Variants in DLG2 observed in about 807,000 individuals in gnomAD.
DLG2 encodes the protein discs large MAGUK scaffold protein 2, also known as disks large homolog 2.
Under a neutral mutation model 132.5 loss-of-function variants are expected in DLG2, and 45 were observed. That is an observed-to-expected ratio of 0.34 (90% CI 0.27 to 0.44). DLG2 has a LOEUF of 0.44. DLG2 is among the 20% of genes least tolerant of loss of function. The probability of loss-of-function intolerance (pLI) is 1.00; values close to 1 mark genes in which losing one functional copy is unlikely to be tolerated. For synonymous variants in DLG2, 424 were observed against 419.6 expected (o/e 1.01, Z -0.13); for missense variants, 1,045 against 1,196.9 (o/e 0.87, Z 1.87).
intron 3 of DLG2, among the ~76,000 whole-genome samples, chr11:85,422,941 T>A (rs2090433422): frequency 6.9e-6 from 1 of 145,802 alleles, no homozygotes; most frequent in Admixed American, 7.0e-5. Context: ...CTTTTTCAGG[T>A]AAATCAGGGA....
intron 6 of DLG2, among the ~76,000 whole-genome samples, chr11:85,006,382 T>G (rs2058664180): frequency 6.6e-6 from 1 of 152,240 alleles, no homozygotes; most frequent in Non-Finnish European, 1.5e-5. Flanking sequence ...TGGCAGGCTA[T>G]TAATTACTGC....
intron 7 of DLG2, among the ~76,000 whole-genome samples, chr11:84,315,721 A>G (rs777859386): frequency 3.9e-5 from 6 of 152,170 alleles, no homozygotes; most frequent in Non-Finnish European, 8.8e-5. Context: ...AAAGCTTATA[A>G]TTCCATGCAA....
chr11:84,915,314 T>TA (rs2092388055), intron 6 of DLG2, among the ~76,000 whole-genome samples: 1 of 152,062 alleles, frequency 6.6e-6, no homozygotes, highest in Non-Finnish European at 1.5e-5. Flanking sequence ...ACCAACATTA[T>TA]AAAAAAGAAA....
At chr11:84,673,218 C>T (rs2099707809) in intron 6 of DLG2, among the ~76,000 whole-genome samples, 1 of 152,020 alleles carries the variant, frequency 6.6e-6, no homozygotes, top group Non-Finnish European at 1.5e-5. Flanking sequence ...GAAGAAGGAG[C>T]CTGACAATCA....
chr11:85,502,980 AT>A (rs1168566237), intron 3 of DLG2, among the ~76,000 whole-genome samples: 1 of 152,142 alleles, frequency 6.6e-6, no homozygotes, highest in African/African-American at 2.4e-5. Flanking sequence ...ATAGAATGAT[AT>A]ATACCAATAA....
chr11:85,511,465 T>A lies in DLG2; in HGVS notation c.40+87192A>T, dbSNP rs539471645. Among the ~76,000 whole-genome samples the A allele has an allele frequency of 2.6e-5, 4 of 152,026 alleles. No individual in the cohort carries two copies. In the South Asian group the frequency reaches 6.2e-4, roughly 24 times the overall value. On this transcript the variant is annotated intron_variant, in intron 3 of 27. Coordinates refer to ENST00000376104, the MANE Select transcript of DLG2 (RefSeq NM_001142699.3). The stretch of plus-strand genomic sequence containing the variant: ...TATTAATTTCAAGAATTCAATGGCA[T>A]CTCTCTTAGAACAGAGATTATAACA...
intron 3 of DLG2, among the ~76,000 whole-genome samples, chr11:85,367,083 A>G (rs1474788188): frequency 6.6e-6 from 1 of 152,194 alleles, no homozygotes; most frequent in Non-Finnish European, 1.5e-5. Context: ...TAGCGTTAAC[A>G]ATTCCATGAA....
intron 6 of DLG2, among the ~76,000 whole-genome samples, chr11:84,563,412 A>G (rs2099435656): frequency 6.6e-6 from 1 of 152,134 alleles, no homozygotes; most frequent in African/African-American, 2.4e-5. Flanking sequence ...CCTCCTTCTA[A>G]CATAATTAGT....
chr11:84,824,789 G>A (rs763088021), intron 6 of DLG2, among the ~76,000 whole-genome samples: 8 of 151,778 alleles, frequency 5.3e-5, no homozygotes, highest in Non-Finnish European at 1.2e-4. Flanking sequence ...CTTAAGTGTC[G>A]CAACACTCAG....
At chr11:83,673,035 C>T (rs2077093736) in intron 18 of DLG2, among the ~76,000 whole-genome samples, 1 of 152,132 alleles carries the variant, frequency 6.6e-6, no homozygotes, top group African/African-American at 2.4e-5. Context: ...GCACTCACTC[C>T]AACCTGGACG....
At chr11:83,642,745 AT>A (rs2066943675) in intron 18 of DLG2, among the ~76,000 whole-genome samples, 1 of 152,120 alleles carries the variant, frequency 6.6e-6, no homozygotes, top group South Asian at 2.1e-4. Flanking sequence ...ATGTATTATT[AT>A]TTTTTAAGGC....
At position 84,022,776 on chromosome 11, in the gene DLG2, A is replaced by G. The variant is rs558505383; in HGVS notation, c.919+36539T>C. On this transcript the variant is annotated intron_variant, in intron 11 of 27. Coordinates refer to ENST00000376104, the MANE Select transcript of DLG2 (RefSeq NM_001142699.3). The stretch of plus-strand genomic sequence containing the variant: ...GGTGGTGGGAAGTAGACTGCAAAAC[A>G]TGCTTTTAAAAAATACATCTAGGGG... Among the ~76,000 whole-genome samples the G allele has an allele frequency of 3.9e-5, 6 of 152,184 alleles. No individual in the cohort carries two copies. In the South Asian group the frequency reaches 1.2e-3, roughly 32 times the overall value.
intron 21 of DLG2, among the ~76,000 whole-genome samples, chr11:83,498,170 G>A (rs2094250400): frequency 6.6e-6 from 1 of 151,972 alleles, no homozygotes; most frequent in African/African-American, 2.4e-5. Flanking sequence ...TTTGGAATTT[G>A]GCTGTATGAC....
chr11:85,526,783 C>A (rs2074787332), intron 3 of DLG2, among the ~76,000 whole-genome samples: 1 of 152,082 alleles, frequency 6.6e-6, no homozygotes, highest in Admixed American at 6.6e-5. Context: ...ATGACAATAG[C>A]CTTTTTGTTA....
intron 9 of DLG2, among the ~76,000 whole-genome samples, chr11:84,136,189 G>A (rs1327157891): frequency 6.6e-6 from 1 of 152,048 alleles, no homozygotes; most frequent in East Asian, 1.9e-4. Flanking sequence ...AACTTACTAA[G>A]CCTTAGTTTC....
chr11:84,685,039 A>G (rs2099736898), intron 6 of DLG2, among the ~76,000 whole-genome samples: 1 of 152,196 alleles, frequency 6.6e-6, no homozygotes, highest in South Asian at 2.1e-4. Context: ...GCATTCTCAC[A>G]ACAACCTCTT....
chr11:84,211,132 C>T (rs1238839434), intron 8 of DLG2, among the ~76,000 whole-genome samples: 3 of 152,202 alleles, frequency 2.0e-5, no homozygotes, highest in Non-Finnish European at 2.9e-5. Flanking sequence ...TTAGTTCTCA[C>T]TGGAGCATAA....
chr11:83,767,986 C>T (rs949932425), intron 18 of DLG2, among the ~76,000 whole-genome samples: 2 of 152,136 alleles, frequency 1.3e-5, no homozygotes, highest in African/African-American at 4.8e-5. Context: ...ATCTTTGCCT[C>T]TCTTCATAAG....
chr11:83,529,802 G>A (rs751541664), intron 21 of DLG2, among the ~76,000 whole-genome samples: 1 of 152,178 alleles, frequency 6.6e-6, no homozygotes, highest in South Asian at 2.1e-4. Context: ...TCCATTCAGG[G>A]CTTCCCTTCC....
Sources: gnomAD v4.1 joint callset for allele counts (sites outside exome capture counted in the v4.1 genomes callset) on GRCh38, gnomAD v4.1.1 for gene constraint, MANE v1.5 for transcripts, NCBI Gene and HGNC (gene_info 2026-07-23, HGNC 2026-07-21) for gene names.